The following DLGAP2 variants were observed in gnomAD, a reference collection of about 807,000 sequenced individuals.
DLGAP2 encodes disks large-associated protein 2.
In DLGAP2, 26 loss-of-function variants were observed where a neutral mutation model predicts 100.3. The observed-to-expected ratio is 0.26, with a 90% CI of 0.19 to 0.36. The LOEUF (loss-of-function observed/expected upper bound fraction) is 0.36. Ranked by LOEUF, DLGAP2 falls within the 10% of genes least tolerant of loss-of-function variation. The pLI, the probability that DLGAP2 is intolerant of heterozygous loss-of-function variation, is 1.00. For missense variants in DLGAP2, 1,858 were observed against 1,453.2 expected (o/e 1.28, Z -4.53); for synonymous variants, 886 against 630.1 (o/e 1.41, Z -6.08).
At chr8:1,626,654 C>T (rs900282531) in intron 6 of DLGAP2, 86 bp from the exon 7 acceptor site, 2 of 1,516,042 alleles carry the variant, frequency 1.3e-6, no homozygotes, top group Non-Finnish European at 1.8e-6. Context: ...TGCTCAGCCT[C>T]TGGGTGTGGG....
chr8:1,033,220 A>G (rs1464956388), intron 2 of DLGAP2, among the ~76,000 whole-genome samples: 1 of 152,286 alleles, frequency 6.6e-6, no homozygotes, highest in South Asian at 2.1e-4. Context: ...CATCTAAGCA[A>G]TGGTCAGAGC....
chr8:917,249 T>TCCTC (rs1255582076), intron 2 of DLGAP2, among the ~76,000 whole-genome samples: 27 of 139,150 alleles, frequency 1.9e-4, no homozygotes, highest in Admixed American at 3.1e-4. Flanking sequence ...CTTCCTTCCT[T>TCCTC]CCTTTCTTCC....
intron 2 of DLGAP2, among the ~76,000 whole-genome samples, chr8:1,167,831 C>A (rs567026554): frequency 2.1e-5 from 3 of 145,676 alleles, no homozygotes; most frequent in South Asian, 4.6e-4. Context: ...CCTAAACCAA[C>A]GTTCAGTAGA....
At chr8:1,324,453 C>A (rs1800974890) in intron 3 of DLGAP2, among the ~76,000 whole-genome samples, 1 of 152,192 alleles carries the variant, frequency 6.6e-6, no homozygotes, top group Non-Finnish European at 1.5e-5. Flanking sequence ...GTCTGAAATT[C>A]TTCCACAGCG....
chr8:1,344,211 G>GAGTCCGTGTACTGT (rs1801502148), intron 3 of DLGAP2, among the ~76,000 whole-genome samples: 3 of 113,148 alleles, frequency 2.7e-5, no homozygotes, highest in African/African-American at 6.3e-5. Flanking sequence ...GCCCTGTCGT[G>GAGTCCGTGTACTGT]GGGCCTGTGC....
chr8:1,599,759 A>G (rs2956941), intron 6 of DLGAP2, among the ~76,000 whole-genome samples: 45,751 of 151,934 alleles, frequency 0.3, 7,136 homozygotes, highest in East Asian at 0.5. Flanking sequence ...TTTTGAGCCT[A>G]TGTGTGTCTT....
intron 5 of DLGAP2, among the ~76,000 whole-genome samples, chr8:1,551,467 G>A (rs1444174917): frequency 6.6e-6 from 1 of 152,104 alleles, no homozygotes; most frequent in Admixed American, 6.5e-5. Context: ...CCCTCCAGCT[G>A]CGCCTTCTCC....
At chr8:777,488 C>T (rs1270800926) in intron 1 of DLGAP2, among the ~76,000 whole-genome samples, 3 of 151,578 alleles carry the variant, frequency 2.0e-5, no homozygotes, top group Admixed American at 6.6e-5. Context: ...GTGGCTGGTA[C>T]CAGTTGTTCC....
chr8:1,438,357 G>A (rs1403168374), intron 3 of DLGAP2, among the ~76,000 whole-genome samples: 1 of 152,082 alleles, frequency 6.6e-6, no homozygotes, highest in Non-Finnish European at 1.5e-5. Context: ...TTAGCGTTTT[G>A]GTCTTAAATC....
chr8:1,146,644 A>C (rs372350203), intron 2 of DLGAP2, among the ~76,000 whole-genome samples: 3 of 147,982 alleles, frequency 2.0e-5, no homozygotes, highest in African/African-American at 7.9e-5. Flanking sequence ...TGTGCATGTG[A>C]GTGTGTGCAT....
At chr8:1,514,923 A>G (rs1800307219) in intron 4 of DLGAP2, among the ~76,000 whole-genome samples, 1 of 152,210 alleles carries the variant, frequency 6.6e-6, no homozygotes, top group African/African-American at 2.4e-5. Context: ...AGCCCCTACA[A>G]GAGCACAGCC....
At position 1,632,924 on chromosome 8, in the gene DLGAP2, G is replaced by A. The variant is rs770848493; in HGVS notation, c.1688G>A (p.Gly563Glu). The A allele has an allele frequency of 9.9e-6, 16 of 1,613,860 alleles. No individual in the cohort carries two copies. Among genetic ancestry groups the A allele is most frequent in the African/African-American group, 1.3e-5 (1 of 74,906 alleles). Residue 563 changes from glycine (G) to glutamate (E), a missense_variant, in exon 8 of 15, where the codon GGA (glycine) becomes GAA (glutamate). Coordinates refer to ENST00000637795, the MANE Select transcript of DLGAP2 (RefSeq NM_001346810.2). ...SQAMDALDLP[G>E]CFRTRSHSYL... ...GCCATGGATGCCCTCGACCTCCCGG[G>A]ATGTTTCCGAACAAGGAGTCACAGC...
chr8:950,031 C>G (rs951009665), intron 2 of DLGAP2, among the ~76,000 whole-genome samples: 2 of 152,202 alleles, frequency 1.3e-5, no homozygotes, highest in Non-Finnish European at 2.9e-5. Flanking sequence ...TGTGTCCCGT[C>G]TTGCTTCTCC....
At chr8:1,187,946 C>T (rs117214704) in intron 2 of DLGAP2, among the ~76,000 whole-genome samples, 5,490 of 117,218 alleles carry the variant, frequency 0.047, 475 homozygotes, top group South Asian at 0.087. Context: ...CCCGGGACTT[C>T]CGTGACGTTT....
intron 3 of DLGAP2, among the ~76,000 whole-genome samples, chr8:1,433,329 G>T (rs1206613728): frequency 1.3e-5 from 2 of 152,252 alleles, no homozygotes; most frequent in African/African-American, 2.4e-5. Context: ...GCCGTCAGGG[G>T]CATCCAGTCC....
chr8:1,551,324 T>C (rs1420214788), intron 5 of DLGAP2, among the ~76,000 whole-genome samples: 1 of 152,176 alleles, frequency 6.6e-6, no homozygotes, highest in East Asian at 1.9e-4. Flanking sequence ...CACAGACACA[T>C]AGCTCTCTTG....
chr8:1,204,333 C>T (rs1237557141), intron 2 of DLGAP2, among the ~76,000 whole-genome samples: 2 of 152,124 alleles, frequency 1.3e-5, no homozygotes, highest in East Asian at 1.9e-4. Context: ...AATTACAGGC[C>T]ATGGTGTGGA....
intron 5 of DLGAP2, among the ~76,000 whole-genome samples, chr8:1,565,009 C>T (rs1802340461): frequency 6.6e-6 from 1 of 152,176 alleles, no homozygotes; most frequent in African/African-American, 2.4e-5. Context: ...CATGGGTGCT[C>T]AGCTCTGTAC....
At chr8:1,121,883 C>T (rs1319398563) in intron 2 of DLGAP2, among the ~76,000 whole-genome samples, 1 of 152,248 alleles carries the variant, frequency 6.6e-6, no homozygotes, top group Non-Finnish European at 1.5e-5. Flanking sequence ...GTTCCTTTAG[C>T]ATCCATGAGC....
Sources: allele counts gnomAD v4.1 joint callset (sites outside exome capture counted in the v4.1 genomes callset), GRCh38; gene constraint gnomAD v4.1.1; transcripts MANE v1.5; gene names NCBI Gene and HGNC (gene_info 2026-07-23, HGNC 2026-07-21).